The following ARHGEF17 variants were observed in gnomAD, a reference collection of about 807,000 sequenced individuals.
ARHGEF17 encodes the protein 164 kDa Rho-specific guanine-nucleotide exchange factor.
Under a neutral mutation model 174.0 loss-of-function variants are expected in ARHGEF17, and 80 were observed. That is an observed-to-expected ratio of 0.46 (90% CI 0.38 to 0.55). The LOEUF (loss-of-function observed/expected upper bound fraction) is 0.55, where lower values mean the gene tolerates loss of function less well. ARHGEF17 is among the 20% of genes least tolerant of loss of function. The pLI is 0.00. For missense variants in ARHGEF17, 2,886 were observed against 2,839.7 expected (o/e 1.02, Z -0.37); for synonymous variants, 1,311 against 1,189.1 (o/e 1.10, Z -2.11).
chr11:73,331,984 G>T (rs979003978), intron 1 of ARHGEF17, among the ~76,000 whole-genome samples: 16 of 152,314 alleles, frequency 1.1e-4, no homozygotes, highest in Admixed American at 2.0e-4. Context: ...GAGCTACCAT[G>T]GCCCCATGGG....
At position 73,367,635 on chromosome 11, in the gene ARHGEF17, G is replaced by A. The variant is rs1400297558; in HGVS notation, c.6047G>A (p.Gly2016Asp). ...LEHRDSPWHR[G>D]PAPARPKMLV... ...CACCGGGACTCCCCTTGGCACCGAGGCCCCGCCCCTGCCAGGCCTAAAATG... is the reference window on the plus strand; with the variant it reads ...CACCGGGACTCCCCTTGGCACCGAGACCCCGCCCCTGCCAGGCCTAAAATG... Residue 2016 changes from glycine (G) to aspartate (D), a missense_variant, in exon 21 of 21, where the codon GGC (glycine) becomes GAC (aspartate). Gly to Asp is a moderately conservative substitution (Grantham distance 94, BLOSUM62 -1). Transcript: ENST00000263674. 6.2e-7 allele frequency: 1 copy of A among 1,613,974 alleles called. No individual in the cohort carries two copies. The highest frequency in any genetic ancestry group is 8.5e-7 in the Non-Finnish European group (1 of 1,179,968).
intron 1 of ARHGEF17, among the ~76,000 whole-genome samples, chr11:73,344,258 A>G (rs1013755041): frequency 6.6e-6 from 1 of 151,948 alleles, no homozygotes; most frequent in African/African-American, 2.4e-5. Flanking sequence ...CCACCCCCGC[A>G]ACCCCCGCAC....
At chr11:73,325,302 A>C (rs112463798) in intron 1 of ARHGEF17, among the ~76,000 whole-genome samples, 327 of 152,094 alleles carry the variant, frequency 2.1e-3, no homozygotes, top group Non-Finnish European at 3.6e-3. Context: ...CTTGGGCCTC[A>C]GTCATCAGGT....
At chr11:73,363,575 C>T (rs1814750401) in intron 15 of ARHGEF17, 120 bp downstream of exon 15, 1 of 1,510,176 alleles carries the variant, frequency 6.6e-7, no homozygotes, top group Admixed American at 1.9e-5. Context: ...AGGGGTACTG[C>T]TGACCAGGGA....
At chr11:73,351,885 A>G (rs1865560210) in intron 2 of ARHGEF17, among the ~76,000 whole-genome samples, 3 of 151,808 alleles carry the variant, frequency 2.0e-5, no homozygotes, top group South Asian at 4.2e-4. Context: ...GCCCTGCCGC[A>G]TTATCGCCTT....
chr11:73,321,453 G>C (rs944033152), intron 1 of ARHGEF17, among the ~76,000 whole-genome samples: 3 of 152,216 alleles, frequency 2.0e-5, no homozygotes, highest in African/African-American at 7.2e-5. Flanking sequence ...GGTTCAGACT[G>C]ATAAGGGTTA....
chr11:73,346,969 CG>C lies in ARHGEF17; in HGVS notation c.3270+13del. On this transcript the variant is annotated intron_variant, in intron 2 of 20. Transcript: ENST00000263674. ...TGCGCACCCTGATGCAGGTGGGGCTCGGGGCCCACTCCCCTGAGAATGGCCT... is the reference window on the plus strand; with the variant it reads ...TGCGCACCCTGATGCAGGTGGGGCTCGGGCCCACTCCCCTGAGAATGGCCT... 6.3e-7 allele frequency: 1 copy of C among 1,588,570 alleles called. No homozygotes were observed. Among genetic ancestry groups the C allele is most frequent in the Non-Finnish European group, 8.6e-7 (1 of 1,164,004 alleles).
chr11:73,358,011 A>G (rs778259420), intron 9 of ARHGEF17, among the ~76,000 whole-genome samples: 1 of 152,206 alleles, frequency 6.6e-6, no homozygotes, highest in African/African-American at 2.4e-5. Flanking sequence ...ATGTAGGAAT[A>G]CCAGCTGATT....
rs1017517757 is a variant in ARHGEF17, at chr11:73,315,651, G to T, written c.3192+3821G>T. Among the ~76,000 whole-genome samples the T allele has an allele frequency of 3.3e-5, 5 of 152,236 alleles. No homozygotes were observed. In the South Asian group the frequency reaches 8.3e-4, roughly 25 times the overall value. ...TAAATGTCTTGTCACCCAGCAGGAG[G>T]GGGTGAGATGAGGGAGGACAGGCAG... On this transcript the variant is annotated intron_variant, in intron 1 of 20. Coordinates refer to ENST00000263674, the MANE Select transcript of ARHGEF17 (RefSeq NM_014786.4).
chr11:73,366,143 G>C (rs967383699), intron 20 of ARHGEF17, among the ~76,000 whole-genome samples, 196 bp downstream of exon 20: 5 of 143,778 alleles, frequency 3.5e-5, no homozygotes, highest in Non-Finnish European at 6.2e-5. Context: ...GTGTGTGTGC[G>C]CACCTGCATG....
At chr11:73,360,086 C>A in intron 10 of ARHGEF17, 134 bp downstream of exon 10, 1 of 972,096 alleles carries the variant, frequency 1.0e-6, no homozygotes, top group Non-Finnish European at 1.5e-6. Flanking sequence ...AAAATCGCAG[C>A]CTCCCTGCGT....
chr11:73,358,383 C>T (rs1374220802), intron 9 of ARHGEF17, among the ~76,000 whole-genome samples: 1 of 151,850 alleles, frequency 6.6e-6, no homozygotes. Context: ...CTTCAGGCCC[C>T]TTTATCGGCA....
intron 1 of ARHGEF17, among the ~76,000 whole-genome samples, chr11:73,334,272 A>C (rs751364349): frequency 2.0e-5 from 3 of 152,292 alleles, no homozygotes; most frequent in Admixed American, 2.0e-4. Flanking sequence ...GGAGGACTTA[A>C]AAGAAACTTC....
Position 73,356,311 on chromosome 11 carries a change from T to A in ARHGEF17, c.3800T>A (p.Val1267Glu). 1 of 1,613,042 alleles carries A rather than the reference T, an allele frequency of 6.2e-7. No homozygotes were observed. The highest frequency in any genetic ancestry group is 8.5e-7 in the Non-Finnish European group (1 of 1,180,004). ...SAEEAERHARVLQEIEAHIEG... is the reference protein window; with the variant it reads ...SAEEAERHARELQEIEAHIEG... ...GAGGAGGCGGAGCGCCATGCCCGTGTGCTGCAGGAGATAGAGGCTCACATC... is the reference window on the plus strand; with the variant it reads ...GAGGAGGCGGAGCGCCATGCCCGTGAGCTGCAGGAGATAGAGGCTCACATC... The change falls in exon 6 of 21, where the codon GTG (valine) becomes GAG (glutamate). Residue 1267 changes from valine to glutamate, a missense_variant. Val to Glu is a moderately radical substitution (Grantham distance 121). Coordinates refer to ENST00000263674, the MANE Select transcript of ARHGEF17 (RefSeq NM_014786.4).
intron 1 of ARHGEF17, among the ~76,000 whole-genome samples, chr11:73,330,437 T>C (rs1296132370): frequency 2.0e-5 from 3 of 152,254 alleles, no homozygotes; most frequent in African/African-American, 7.2e-5. Flanking sequence ...GTTTGGAATT[T>C]ATCCTGGTGT....
chr11:73,311,025 A>G lies in ARHGEF17; in HGVS notation c.2387A>G (p.Tyr796Cys), dbSNP rs765367080. ...GTGGGCAGTGAAGAGAGCAAGGGAT[A>G]TCAGGAGGTTATTCAGAGCATAGTT... ...WSVGSEESKG[Y>C]QEVIQSIVQG... The change falls in exon 1 of 21, where the codon TAT becomes TGT. Residue 796 changes from tyrosine (Y) to cysteine (C), a missense_variant. Around this residue, in one of 4 missense-constraint regions of ARHGEF17, gnomAD observed 1,728 missense variants for 1,461.2 expected, o/e 1.18. Transcript: ENST00000263674. 6.2e-7 allele frequency: 1 copy of G among 1,614,154 alleles called. No homozygotes were observed. The highest frequency in any genetic ancestry group is 8.5e-7 in the Non-Finnish European group (1 of 1,180,022).
chr11:73,348,183 C>A (rs1350176844), intron 2 of ARHGEF17, among the ~76,000 whole-genome samples: 3 of 152,134 alleles, frequency 2.0e-5, no homozygotes, highest in Non-Finnish European at 4.4e-5. Context: ...GAACCTTCAC[C>A]CTATGGAAAC....
chr11:73,333,701 G>A (rs981208409), intron 1 of ARHGEF17, among the ~76,000 whole-genome samples: 8 of 152,174 alleles, frequency 5.3e-5, no homozygotes, highest in African/African-American at 1.9e-4. Flanking sequence ...TCCTGGAACA[G>A]GGTGGGAGTA....
At position 73,310,169 on chromosome 11, in the gene ARHGEF17, G is replaced by C. The variant is rs759309019; in HGVS notation, c.1531G>C (p.Gly511Arg). ...AGATGGCAGAGACTCACCATCCGCA[G>C]GTGGCCCTGTGGGGCAACTTGAACC... Reference protein sequence around the residue: ...PLDGRDSPSAGGPVGQLEPIP... With the variant: ...PLDGRDSPSARGPVGQLEPIP... Residue 511 changes from glycine to arginine, a missense_variant, in exon 1 of 21, where the codon GGT becomes CGT. This residue lies in a region of ARHGEF17 where 1,728 missense variants were observed against 1,461.2 expected (regional missense o/e 1.18). Transcript: ENST00000263674. 2.5e-6 allele frequency: 4 copies of C among 1,613,980 alleles called. No homozygotes were observed. The South Asian group carries it at 3.3e-5, about 13-fold the overall frequency.
Sources: gnomAD v4.1 joint callset for allele counts (sites outside exome capture counted in the v4.1 genomes callset) on GRCh38, gnomAD v4.1.1 for gene constraint, gnomAD v4.1.1 regional missense constraint, MANE v1.5 for transcripts, NCBI Gene and HGNC (gene_info 2026-07-23, HGNC 2026-07-21) for gene names.